OSTF1: variants seen among roughly 807,000 people sequenced by gnomAD.
OSTF1 encodes osteoclast stimulating factor 1.
In OSTF1, 27 loss-of-function variants were observed where a neutral mutation model predicts 37.2. The ratio of observed to expected loss-of-function variants is 0.73; its 90% CI spans 0.54 to 1.00. OSTF1 has a LOEUF of 1.00. Ranked by LOEUF, OSTF1 falls within the 50% of genes least tolerant of loss-of-function variation. OSTF1 has a pLI of 0.00. For missense variants in OSTF1, 232 were observed against 253.8 expected, an observed-to-expected ratio of 0.91 and a Z score of 0.58; for synonymous variants, 82 against 89.2, an observed-to-expected ratio of 0.92 and a Z score of 0.46.
At chr9:75,105,639 CTT>C (rs34935034) in intron 1 of OSTF1, among the ~76,000 whole-genome samples, 1 of 149,564 alleles carries the variant, frequency 6.7e-6, no homozygotes, top group South Asian at 2.1e-4. Flanking sequence ...ATCAGGGTAA[CTT>C]TTTTTTTTTA....
chr9:75,111,491 G>T (rs547355576), intron 1 of OSTF1, among the ~76,000 whole-genome samples: 1 of 152,272 alleles, frequency 6.6e-6, no homozygotes, highest in Non-Finnish European at 1.5e-5. Context: ...TCTTGCTTAC[G>T]TGAAGAGACC....
chr9:75,115,151 A>C (rs1178898256), intron 1 of OSTF1, among the ~76,000 whole-genome samples: 1 of 152,204 alleles, frequency 6.6e-6, no homozygotes, highest in African/African-American at 2.4e-5. Flanking sequence ...AAGAAAGATA[A>C]AAATGTAAAT....
chr9:75,141,061 G>A (rs1825935410), intron 9 of OSTF1, 129 bp downstream of exon 9: 2 of 583,018 alleles, frequency 3.4e-6, no homozygotes, highest in African/African-American at 3.8e-5. Flanking sequence ...CACTTTGGGA[G>A]GCCAAGGCAG....
At chr9:75,092,312 C>T (rs1011544585) in intron 1 of OSTF1, among the ~76,000 whole-genome samples, 3 of 152,130 alleles carry the variant, frequency 2.0e-5, no homozygotes, top group African/African-American at 7.2e-5. Flanking sequence ...TCAGGGTTAC[C>T]TTGTTTGGGT....
chr9:75,118,835 A>G (rs2118522033), intron 2 of OSTF1, among the ~76,000 whole-genome samples: 1 of 152,322 alleles, frequency 6.6e-6, no homozygotes, highest in Admixed American at 6.5e-5. Flanking sequence ...ATTATCTCCC[A>G]CCAGGTGCCT....
At chr9:75,101,807 G>A (rs141129822) in intron 1 of OSTF1, among the ~76,000 whole-genome samples, 1 of 152,206 alleles carries the variant, frequency 6.6e-6, no homozygotes, top group African/African-American at 2.4e-5. Context: ...TGTCTCTAGT[G>A]ATTCCCATTT....
At chr9:75,123,723 T>C (rs948495848) in intron 2 of OSTF1, among the ~76,000 whole-genome samples, 2 of 152,220 alleles carry the variant, frequency 1.3e-5, no homozygotes, top group Non-Finnish European at 2.9e-5. Context: ...CCTAGTTTCT[T>C]TAGAAGAAGA....
At chr9:75,130,407 G>C (rs1397168681) in intron 3 of OSTF1, among the ~76,000 whole-genome samples, 171 bp from the exon 4 acceptor site, 1 of 152,178 alleles carries the variant, frequency 6.6e-6, no homozygotes, top group Admixed American at 6.5e-5. Flanking sequence ...ATTTGTAACT[G>C]AGTGGTAAGG....
intron 7 of OSTF1, among the ~76,000 whole-genome samples, chr9:75,137,259 T>C (rs1232179247): frequency 6.6e-6 from 1 of 152,166 alleles, no homozygotes; most frequent in East Asian, 1.9e-4. Context: ...TCAAATCTGC[T>C]TCCTTCCTCC....
At chr9:75,130,701 ATGC>A (rs1825749245) in intron 4 of OSTF1, 60 bp downstream of exon 4, 2 of 1,057,256 alleles carry the variant, frequency 1.9e-6, no homozygotes, top group Non-Finnish European at 3.0e-6. Context: ...TTGGTTCTTG[ATGC>A]TTTTCTGCTT....
chr9:75,144,264 A>G (rs1482981253), intron 9 of OSTF1, among the ~76,000 whole-genome samples: 1 of 152,192 alleles, frequency 6.6e-6, no homozygotes, highest in Admixed American at 6.5e-5. Flanking sequence ...GTGTGAAGTC[A>G]GTGAAACATG....
chr9:75,133,989 A>G (rs193185379), intron 6 of OSTF1, among the ~76,000 whole-genome samples: 66 of 152,322 alleles, frequency 4.3e-4, no homozygotes, highest in South Asian at 8.3e-4. Context: ...GATCTCAACA[A>G]ATTAAATAGC....
At chr9:75,104,830 T>G (rs1825256404) in intron 1 of OSTF1, among the ~76,000 whole-genome samples, 1 of 152,222 alleles carries the variant, frequency 6.6e-6, no homozygotes, top group Non-Finnish European at 1.5e-5. Flanking sequence ...ATTCAGAGCA[T>G]GGGTTCTGGA....
At chr9:75,127,246 C>A (rs896550049) in intron 2 of OSTF1, among the ~76,000 whole-genome samples, 1 of 152,096 alleles carries the variant, frequency 6.6e-6, no homozygotes, top group African/African-American at 2.4e-5. Context: ...AAAATGTATA[C>A]CACCTTTTAG....
intron 5 of OSTF1, among the ~76,000 whole-genome samples, chr9:75,133,036 A>C (rs1489262771): frequency 6.6e-6 from 1 of 151,784 alleles, no homozygotes; most frequent in Admixed American, 6.6e-5. Flanking sequence ...TTAACAGAAT[A>C]GAAATACCTT....
chr9:75,108,232 T>G (rs1235144183), intron 1 of OSTF1, among the ~76,000 whole-genome samples: 1 of 147,688 alleles, frequency 6.8e-6, no homozygotes, highest in Non-Finnish European at 1.5e-5. Flanking sequence ...CTCAAATAAA[T>G]AAATAAATAA....
chr9:75,117,635 T>TATCAAA, intron 2 of OSTF1, 85 bp downstream of exon 2: 1 of 1,006,574 alleles, frequency 9.9e-7, no homozygotes, highest in Non-Finnish European at 1.6e-6. Flanking sequence ...GTGAATGGTC[T>TATCAAA]GCCTTTTCTT....
At chr9:75,090,862 T>G (rs918320985) in intron 1 of OSTF1, among the ~76,000 whole-genome samples, 5 of 152,196 alleles carry the variant, frequency 3.3e-5, no homozygotes, top group African/African-American at 1.2e-4. Context: ...GTCCCACATT[T>G]ACTGTGTGTT....
chr9:75,122,824 A>G (rs1011178468), intron 2 of OSTF1, among the ~76,000 whole-genome samples: 1 of 152,256 alleles, frequency 6.6e-6, no homozygotes, highest in Non-Finnish European at 1.5e-5. Context: ...TATATACTAT[A>G]AAGTGTTGAA....
Sources: gnomAD v4.1 joint callset for allele counts (sites outside exome capture counted in the v4.1 genomes callset) on GRCh38, gnomAD v4.1.1 for gene constraint, MANE v1.5 for transcripts, NCBI Gene and HGNC (gene_info 2026-07-23, HGNC 2026-07-21) for gene names.